The following KCTD1 variants were observed in gnomAD, a reference collection of about 807,000 sequenced individuals.
KCTD1 encodes potassium channel tetramerization domain containing 1.
A neutral mutation model predicts 66.0 loss-of-function variants in KCTD1; 24 were observed. The ratio of observed to expected loss-of-function variants is 0.36; its 90% CI spans 0.26 to 0.51. The LOEUF (loss-of-function observed/expected upper bound fraction) is 0.51, where lower values mean the gene tolerates loss of function less well. Ranked by LOEUF, KCTD1 falls within the 20% of genes least tolerant of loss-of-function variation. The pLI, the probability that KCTD1 is intolerant of heterozygous loss-of-function variation, is 0.95. For missense variants in KCTD1, 943 were observed against 1,205.2 expected, an observed-to-expected ratio of 0.78 and a Z score of 3.22; for synonymous variants, 511 against 517.2, an observed-to-expected ratio of 0.99 and a Z score of 0.16.
rs574346433 is a variant in KCTD1 at position 26,587,125 on chromosome 18, G to T, written c.-16+42022C>A. ...GTCACTGCCTGGCTTCAAGTGACAG[G>T]CTGACTCTCTTATTAGGGGCTAAGG... On this transcript the variant is annotated intron_variant, in intron 1 of 4. Transcript: ENST00000317932. Among the ~76,000 whole-genome samples the T allele has an allele frequency of 4.6e-5, 7 of 152,348 alleles. No homozygotes were observed. In the East Asian group the frequency reaches 9.6e-4, roughly 21 times the overall value.
chr18:26,472,014 A>C (rs1981092601), intron 3 of KCTD1, among the ~76,000 whole-genome samples: 1 of 152,132 alleles, frequency 6.6e-6, no homozygotes, highest in Non-Finnish European at 1.5e-5. Flanking sequence ...GAAGAAGAGG[A>C]AAAAGTCCAG....
chr18:26,511,951 A>G (rs1983354839), intron 1 of KCTD1, among the ~76,000 whole-genome samples: 3 of 152,208 alleles, frequency 2.0e-5, no homozygotes. Context: ...CCCAACTCTT[A>G]GTTCCATGTG....
intron 1 of KCTD1, among the ~76,000 whole-genome samples, chr18:26,541,903 G>C (rs1232768415): frequency 6.6e-6 from 1 of 152,110 alleles, no homozygotes; most frequent in Admixed American, 6.5e-5. Flanking sequence ...GAGAAGAGTA[G>C]GCAAAGGAAC....
intron 2 of KCTD1, among the ~76,000 whole-genome samples, chr18:26,486,752 TGTCACTGCA>T (rs1414563234): frequency 6.6e-6 from 1 of 152,208 alleles, no homozygotes; most frequent in Non-Finnish European, 1.5e-5. Flanking sequence ...TTAACTTGCA[TGTCACTGCA>T]GTCACTTCAT....
chr18:26,569,826 C>A (rs562901674), intron 1 of KCTD1, among the ~76,000 whole-genome samples: 35 of 152,106 alleles, frequency 2.3e-4, no homozygotes, highest in African/African-American at 8.5e-4. Flanking sequence ...CTATTCACTC[C>A]CAAATAATTA....
intron 1 of KCTD1, among the ~76,000 whole-genome samples, chr18:26,624,049 T>G (rs1987446427): frequency 6.6e-6 from 1 of 152,234 alleles, no homozygotes; most frequent in African/African-American, 2.4e-5. Context: ...GCAAAGAGAC[T>G]GGCGGCATTT....
chr18:26,580,268 CA>C (rs1415708352), intron 1 of KCTD1, among the ~76,000 whole-genome samples: 1 of 151,926 alleles, frequency 6.6e-6, no homozygotes, highest in East Asian at 1.9e-4. Flanking sequence ...GTCCTGAGTG[CA>C]GTGACAACAA....
intron 3 of KCTD1, among the ~76,000 whole-genome samples, chr18:26,475,545 T>G (rs1331786723): frequency 1.3e-5 from 2 of 152,246 alleles, no homozygotes; most frequent in African/African-American, 2.4e-5. Flanking sequence ...TGGCTCTTGC[T>G]ATTCTCTAAA....
Position 26,546,707 on chromosome 18 carries a change from CAT to C in KCTD1, c.1809+19_1809+20del, listed in dbSNP as rs1985237808. ...AGTGGTACCAAAGAAACATTTCATG[CAT>C]AGAGTTTGGTTTGGTTACCTGGGTG... On this transcript the variant is annotated intron_variant, in intron 1 of 4. Transcript: ENST00000580059. The C allele has an allele frequency of 6.5e-7, 1 of 1,533,944 alleles. No individual in the cohort carries two copies. Among genetic ancestry groups the C allele is most frequent in the Non-Finnish European group, 8.8e-7 (1 of 1,140,070 alleles).
intron 1 of KCTD1, among the ~76,000 whole-genome samples, chr18:26,588,343 T>C (rs557916372): frequency 1.6e-5 from 2 of 126,006 alleles, no homozygotes; most frequent in Admixed American, 1.6e-4. Context: ...GGGAGGGGAG[T>C]GGAGGGGAGT....
intron 1 of KCTD1, among the ~76,000 whole-genome samples, chr18:26,514,947 A>C (rs558524834): frequency 6.6e-6 from 1 of 152,344 alleles, no homozygotes; most frequent in African/African-American, 2.4e-5. Context: ...GCTTAGATTA[A>C]GAAGCAGGCA....
At chr18:26,559,781 C>T (rs1985801765) in intron 1 of KCTD1, among the ~76,000 whole-genome samples, 1 of 152,158 alleles carries the variant, frequency 6.6e-6, no homozygotes, top group Admixed American at 6.5e-5. Flanking sequence ...GAAATTTCCC[C>T]TCTCCCTTCC....
At chr18:26,563,141 A>T (rs960925227) in intron 1 of KCTD1, among the ~76,000 whole-genome samples, 1 of 152,046 alleles carries the variant, frequency 6.6e-6, no homozygotes, top group African/African-American at 2.4e-5. Flanking sequence ...ATGGCATCAC[A>T]CTAATTCAGG....
intron 1 of KCTD1, among the ~76,000 whole-genome samples, chr18:26,524,683 TATG>T (rs1221317794): frequency 1.3e-5 from 2 of 152,180 alleles, no homozygotes; most frequent in African/African-American, 4.8e-5. Context: ...TGAATGTGCA[TATG>T]ATATCTCTGG....
chr18:26,578,057 C>CTTTTTTTTTTTTTTTTT (rs11381611), intron 1 of KCTD1, among the ~76,000 whole-genome samples: 2 of 117,048 alleles, frequency 1.7e-5, no homozygotes, highest in African/African-American at 3.4e-5. Flanking sequence ...TCTTTTCTTT[C>CTTTTTTTTTTTTTTTTT]TTTTTTTTTT....
chr18:26,485,935 C>CT (rs372930779), intron 2 of KCTD1, among the ~76,000 whole-genome samples: 5,165 of 136,588 alleles, frequency 0.038, 127 homozygotes, highest in Middle Eastern at 0.083. Flanking sequence ...TAATTTAATC[C>CT]TTTTTTTTTT....
chr18:26,633,380 C>T (rs903838401), upstream of KCTD1, among the ~76,000 whole-genome samples: 2 of 152,132 alleles, frequency 1.3e-5, no homozygotes, highest in East Asian at 3.9e-4. Flanking sequence ...TAAAAGGAGG[C>T]TTCATGTATA....
chr18:26,475,838 G>T (rs539432093), intron 3 of KCTD1, among the ~76,000 whole-genome samples: 170 of 152,224 alleles, frequency 1.1e-3, no homozygotes, highest in African/African-American at 4.0e-3. Flanking sequence ...GGAGACAAGA[G>T]CAAAACTCCG....
At chr18:26,650,889 G>C (rs541306224) in intron 1 of KCTD1, among the ~76,000 whole-genome samples, 1 of 152,222 alleles carries the variant, frequency 6.6e-6, no homozygotes, top group Non-Finnish European at 1.5e-5. Context: ...AATCTATCTC[G>C]TTAACATTCT....
Sources: gnomAD v4.1 joint callset for allele counts (sites outside exome capture counted in the v4.1 genomes callset) on GRCh38, gnomAD v4.1.1 for gene constraint, MANE v1.5 for transcripts, NCBI Gene and HGNC (gene_info 2026-07-23, HGNC 2026-07-21) for gene names.